Variants in TRAM2 observed in about 807,000 individuals in gnomAD.
TRAM2 encodes translocating chain-associated membrane protein 2.
A neutral mutation model predicts 51.0 loss-of-function variants in TRAM2; 12 were observed. That is an observed-to-expected ratio of 0.24 (90% CI 0.15 to 0.38). The LOEUF is 0.38. Among genes scored for constraint, TRAM2 ranks in the 10% least tolerant of loss-of-function variants. The pLI is 1.00. For missense variants in TRAM2, 361 were observed against 462.0 expected (o/e 0.78, Z 2.00); for synonymous variants, 175 against 179.4 (o/e 0.98, Z 0.20).
intron 1 of TRAM2, among the ~76,000 whole-genome samples, chr6:52,555,174 G>A (rs1329683421): frequency 6.6e-6 from 1 of 152,206 alleles, no homozygotes; most frequent in East Asian, 1.9e-4. Context: ...GTAAGATCCA[G>A]GGTGCGGGCT....
chr6:52,577,034 C>T lies in TRAM2; in HGVS notation c.-119G>A. 1.7e-6 allele frequency: 2 copies of T among 1,185,962 alleles called. No homozygotes were observed. Among genetic ancestry groups the T allele is most frequent in the Non-Finnish European group, 1.1e-6 (1 of 942,584 alleles). 73.5% of individuals were successfully genotyped at this position (1,185,962 alleles called of 1,614,324 possible). A position where few individuals can be genotyped will look rare whatever the true frequency, so the allele number is the denominator to read the frequency against. On this transcript the variant is annotated 5_prime_UTR_variant, in exon 1 of 11. Transcript: ENST00000182527. ...CCCGCCGCCCGCTCTCCCACAGCCG[C>T]TCGCCCGCCCAGCGCGGAACAACTT...
At chr6:52,546,067 G>C (rs1034241857) in intron 1 of TRAM2, among the ~76,000 whole-genome samples, 1 of 152,162 alleles carries the variant, frequency 6.6e-6, no homozygotes, top group Non-Finnish European at 1.5e-5. Flanking sequence ...CTGACTGTGA[G>C]AACTGAGGCT....
At chr6:52,539,865 G>C (rs896673258) in intron 1 of TRAM2, among the ~76,000 whole-genome samples, 3 of 152,096 alleles carry the variant, frequency 2.0e-5, no homozygotes, top group African/African-American at 4.8e-5. Context: ...CTGTCCCAGA[G>C]CTGGGTGAAT....
At chr6:52,522,768 A>G in intron 2 of TRAM2, 1 of 600,728 alleles carries the variant, frequency 1.7e-6, no homozygotes, top group Non-Finnish European at 2.9e-6. Context: ...AATAATCAGA[A>G]TCTTGGCTGT....
chr6:52,527,377 C>CAAA (rs11293279), intron 2 of TRAM2, among the ~76,000 whole-genome samples: 4 of 133,740 alleles, frequency 3.0e-5, no homozygotes, highest in African/African-American at 1.1e-4. Flanking sequence ...GACTCTATCT[C>CAAA]AAAAAAAAAA....
At chr6:52,538,278 G>A (rs1175171131) in intron 1 of TRAM2, among the ~76,000 whole-genome samples, 1 of 152,216 alleles carries the variant, frequency 6.6e-6, no homozygotes, top group Admixed American at 6.5e-5. Context: ...ACAGGGTGGA[G>A]ACCTCTGTGG....
intron 1 of TRAM2, among the ~76,000 whole-genome samples, chr6:52,574,981 C>A (rs1196891065): frequency 1.3e-5 from 2 of 152,188 alleles, no homozygotes; most frequent in Non-Finnish European, 2.9e-5. Context: ...GTGTATCTTT[C>A]CAGCCACACC....
intron 4 of TRAM2, among the ~76,000 whole-genome samples, chr6:52,514,817 G>A (rs1487793822): frequency 1.3e-5 from 2 of 152,232 alleles, no homozygotes; most frequent in African/African-American, 4.8e-5. Flanking sequence ...GGGACTGGGT[G>A]TGGTCTGAAA....
chr6:52,571,405 T>TCGGGTAGC (rs1767678614), intron 1 of TRAM2, among the ~76,000 whole-genome samples: 2 of 152,184 alleles, frequency 1.3e-5, no homozygotes, highest in South Asian at 4.1e-4. Flanking sequence ...CTACAAACAG[T>TCGGGTAGC]CGGGACTAAG....
At chr6:52,521,891 A>G (rs1490251935) in intron 2 of TRAM2, among the ~76,000 whole-genome samples, 1 of 152,214 alleles carries the variant, frequency 6.6e-6, no homozygotes, top group African/African-American at 2.4e-5. Context: ...TTTTAGAAGA[A>G]TAAGTCCAGC....
intron 1 of TRAM2, among the ~76,000 whole-genome samples, chr6:52,536,649 C>A (rs1766981208): frequency 6.6e-6 from 1 of 152,114 alleles, no homozygotes; most frequent in Non-Finnish European, 1.5e-5. Flanking sequence ...GTCTGCTTGT[C>A]CATAAAATCA....
chr6:52,506,527 T>G (rs1412105649), intron 7 of TRAM2, among the ~76,000 whole-genome samples: 1 of 152,198 alleles, frequency 6.6e-6, no homozygotes, highest in Non-Finnish European at 1.5e-5. Flanking sequence ...TGTCTGACTT[T>G]CCATTATCCA....
chr6:52,522,927 G>A lies in TRAM2; in HGVS notation c.185-6190C>T, dbSNP rs1486869939. 4.3e-6 allele frequency: 3 copies of A among 702,298 alleles called. No homozygotes were observed. In the African/African-American group the frequency reaches 5.2e-5, roughly 12 times the overall value. The allele number at this position is 702,298 out of a possible 1,614,324, so 43.5% of individuals were successfully genotyped here. On this transcript the variant is annotated intron_variant, in intron 2 of 10. Transcript: ENST00000182527. The stretch of plus-strand genomic sequence containing the variant: ...CTCCTGCCTGCCTTTACATTTCCCA[G>A]TCCTGTCTGGATCCCACTGTGCGGT...
intron 4 of TRAM2, among the ~76,000 whole-genome samples, chr6:52,511,569 A>G (rs1024261952): frequency 6.6e-6 from 1 of 152,230 alleles, no homozygotes; most frequent in Non-Finnish European, 1.5e-5. Context: ...GAGGTTTTAC[A>G]GTGCTCAGAA....
chr6:52,506,013 C>G lies in TRAM2; in HGVS notation c.731+19G>C, dbSNP rs760194583. Reference sequence around the variant, plus strand: ...TGCCCAGGCCTCTAAGCGGGCCAGCCTGCAGCAGACCCACTTACAGTTTCT... The same window carrying G: ...TGCCCAGGCCTCTAAGCGGGCCAGCGTGCAGCAGACCCACTTACAGTTTCT... On this transcript the variant is annotated intron_variant, in intron 8 of 10. Transcript: ENST00000182527. 1.2e-6 allele frequency: 2 copies of G among 1,611,950 alleles called. No individual in the cohort carries two copies. Among genetic ancestry groups the G allele is most frequent in the African/African-American group, 2.7e-5 (2 of 75,052 alleles).
chr6:52,520,212 TG>T (rs1230967017), intron 2 of TRAM2, among the ~76,000 whole-genome samples: 4 of 152,120 alleles, frequency 2.6e-5, no homozygotes, highest in Non-Finnish European at 4.4e-5. Flanking sequence ...GACTGAAGGC[TG>T]GGGGTGTGGA....
chr6:52,534,452 T>G (rs1345646103), intron 2 of TRAM2, among the ~76,000 whole-genome samples: 1 of 152,112 alleles, frequency 6.6e-6, no homozygotes, highest in Non-Finnish European at 1.5e-5. Context: ...CAAAAGTCCT[T>G]CCTTTGTTCA....
Position 52,507,634 on chromosome 6 carries a change from G to A in TRAM2, c.556-11C>T, listed in dbSNP as rs757766472. 4 of 1,613,954 alleles carry A rather than the reference G, an allele frequency of 2.5e-6. No homozygotes were observed. In the South Asian group the frequency reaches 4.4e-5, roughly 18 times the overall value. Reference sequence around the variant, plus strand: ...GCGGGGAATTTCCTCCTGGAAACAAGAGAAGCAGATGGTAAATTTGCTAAT... The same window carrying A: ...GCGGGGAATTTCCTCCTGGAAACAAAAGAAGCAGATGGTAAATTTGCTAAT... On this transcript the variant is annotated splice_polypyrimidine_tract_variant and intron_variant, in intron 6 of 10. Transcript: ENST00000182527.
intron 1 of TRAM2, among the ~76,000 whole-genome samples, chr6:52,545,072 G>A (rs1267165018): frequency 6.6e-6 from 1 of 152,168 alleles, no homozygotes; most frequent in Non-Finnish European, 1.5e-5. Flanking sequence ...AAAAAGACTT[G>A]GGGATTTTTT....
Sources: allele counts gnomAD v4.1 joint callset (sites outside exome capture counted in the v4.1 genomes callset), GRCh38; gene constraint gnomAD v4.1.1; transcripts MANE v1.5; gene names NCBI Gene and HGNC (gene_info 2026-07-23, HGNC 2026-07-21).